The following ANO3 variants were observed in gnomAD, a reference collection of about 807,000 sequenced individuals.
ANO3 encodes anoctamin-3.
Under a neutral mutation model 144.8 loss-of-function variants are expected in ANO3, and 99 were observed. The ratio of observed to expected loss-of-function variants is 0.68; its 90% CI spans 0.58 to 0.81. The LOEUF (loss-of-function observed/expected upper bound fraction) is 0.81. Ranked by LOEUF, ANO3 falls within the 30% of genes least tolerant of loss-of-function variation. ANO3 has a pLI of 0.00. For missense variants in ANO3, 905 were observed against 1,202.2 expected (o/e 0.75, Z 3.66); for synonymous variants, 414 against 392.6 (o/e 1.05, Z -0.64).
chr11:26,430,898 AC>A (rs1858067282), intron 1 of ANO3, among the ~76,000 whole-genome samples: 1 of 152,228 alleles, frequency 6.6e-6, no homozygotes. Context: ...AAGGAATTGC[AC>A]CCACAATCAA....
At chr11:26,341,564 A>G (rs961648885) in intron 1 of ANO3, among the ~76,000 whole-genome samples, 3 of 152,294 alleles carry the variant, frequency 2.0e-5, no homozygotes, top group African/African-American at 7.2e-5. Context: ...CATTTCGCAG[A>G]TGTATTAGGA....
At chr11:26,658,107 T>TA (rs1185204413) in intron 26 of ANO3, among the ~76,000 whole-genome samples, 1 of 135,560 alleles carries the variant, frequency 7.4e-6, no homozygotes, top group Non-Finnish European at 1.6e-5. Context: ...TTTCAGGACT[T>TA]ACACTTGTCT....
At chr11:26,642,809 TTTTCC>T (rs1853212155) in intron 22 of ANO3, among the ~76,000 whole-genome samples, 1 of 148,722 alleles carries the variant, frequency 6.7e-6, no homozygotes, top group Non-Finnish European at 1.5e-5. Context: ...TTCTTCTTCT[TTTTCC>T]TCCTCCTCCT....
intron 4 of ANO3, chr11:26,473,959 G>A (rs1484324780): frequency 1.0e-6 from 1 of 984,994 alleles, no homozygotes; most frequent in African/African-American, 1.7e-5. Context: ...CCAGTCAAAT[G>A]CTTTGTGTAG....
At chr11:26,380,992 C>CAAAACA (rs548811417) in intron 1 of ANO3, among the ~76,000 whole-genome samples, 1 of 151,940 alleles carries the variant, frequency 6.6e-6, no homozygotes, top group South Asian at 2.1e-4. Flanking sequence ...AAAAACAAAA[C>CAAAACA]AAAACAAAAA....
chr11:26,444,856 A>C (rs142644954), intron 3 of ANO3, among the ~76,000 whole-genome samples: 2,163 of 152,294 alleles, frequency 0.014, 59 homozygotes, highest in Admixed American at 0.07. Flanking sequence ...GTGGCACAGA[A>C]ACAGTGCTGG....
intron 3 of ANO3, among the ~76,000 whole-genome samples, chr11:26,453,920 A>T (rs1859046388): frequency 1.3e-5 from 2 of 152,164 alleles, no homozygotes; most frequent in South Asian, 4.1e-4. Context: ...GGATTAAGAA[A>T]CTCACTCAAA....
At chr11:26,476,504 G>C (rs777421786) in intron 4 of ANO3, among the ~76,000 whole-genome samples, 4 of 152,074 alleles carry the variant, frequency 2.6e-5, no homozygotes, top group African/African-American at 4.8e-5. Context: ...TGAGCACAAG[G>C]ATGGCCAAGA....
At chr11:26,462,319 T>A (rs1216097767) in intron 3 of ANO3, among the ~76,000 whole-genome samples, 9 of 151,920 alleles carry the variant, frequency 5.9e-5, no homozygotes, top group Non-Finnish European at 1.2e-4. Flanking sequence ...ACATGGAATA[T>A]AAATTTAGTG....
intron 7 of ANO3, 141 bp from the exon 8 acceptor site, chr11:26,531,064 T>A (rs1849358300): frequency 1.2e-6 from 1 of 811,930 alleles, no homozygotes; most frequent in Non-Finnish European, 1.9e-6. Flanking sequence ...ACAGAAGCAA[T>A]GCACGTGTAT....
intron 14 of ANO3, among the ~76,000 whole-genome samples, chr11:26,591,330 G>T (rs554431159): frequency 6.6e-6 from 1 of 152,274 alleles, no homozygotes; most frequent in South Asian, 2.1e-4. Flanking sequence ...CTCAGGAGGG[G>T]TGCCTTTGAT....
chr11:26,279,478 T>G (rs1402005703), intron 1 of ANO3, among the ~76,000 whole-genome samples: 2 of 152,160 alleles, frequency 1.3e-5, no homozygotes, highest in Non-Finnish European at 2.9e-5. Context: ...AAAGAATTCC[T>G]ACAATTCAAC....
At chr11:26,292,874 T>A (rs542547722) in intron 1 of ANO3, among the ~76,000 whole-genome samples, 2 of 152,254 alleles carry the variant, frequency 1.3e-5, no homozygotes, top group South Asian at 4.1e-4. Context: ...GTTAGGCTAC[T>A]CATGGGTCAG....
At chr11:26,578,645 A>T (rs929535516) in intron 14 of ANO3, among the ~76,000 whole-genome samples, 1 of 152,178 alleles carries the variant, frequency 6.6e-6, no homozygotes, top group Non-Finnish European at 1.5e-5. Context: ...AGTAACTGAT[A>T]GGAACAGGGT....
At chr11:26,608,627 C>T (rs1852003334) in intron 17 of ANO3, among the ~76,000 whole-genome samples, 1 of 152,098 alleles carries the variant, frequency 6.6e-6, no homozygotes, top group African/African-American at 2.4e-5. Flanking sequence ...AGTTCTGTCC[C>T]TGAGCCCCTG....
chr11:26,619,486 T>A (rs1246128000), intron 17 of ANO3, among the ~76,000 whole-genome samples: 1 of 152,098 alleles, frequency 6.6e-6, no homozygotes. Context: ...TTTTTTTTTA[T>A]TTTTTGAGAT....
At chr11:26,436,396 T>A (rs76793385) in intron 1 of ANO3, among the ~76,000 whole-genome samples, 6,193 of 152,220 alleles carry the variant, frequency 0.041, 166 homozygotes, top group East Asian at 0.11. Flanking sequence ...ACCAACAGTC[T>A]GGCCATTTTT....
intron 1 of ANO3, among the ~76,000 whole-genome samples, chr11:26,278,667 AG>A (rs1853610958): frequency 6.6e-6 from 1 of 152,288 alleles, no homozygotes; most frequent in East Asian, 1.9e-4. Context: ...AAAATTCTAC[AG>A]TGGATAAAAC....
At chr11:26,199,458 T>G (rs775859989) in intron 1 of ANO3, among the ~76,000 whole-genome samples, 4 of 152,186 alleles carry the variant, frequency 2.6e-5, no homozygotes, top group Non-Finnish European at 5.9e-5. Context: ...CAGGGCAGAA[T>G]TCACGTGGGT....
Sources: allele counts gnomAD v4.1 joint callset (sites outside exome capture counted in the v4.1 genomes callset), GRCh38; gene constraint gnomAD v4.1.1; transcripts MANE v1.5; gene names NCBI Gene and HGNC (gene_info 2026-07-23, HGNC 2026-07-21).